The following KIAA1755 variants were observed in gnomAD, a reference collection of about 807,000 sequenced individuals.
KIAA1755 encodes uncharacterized protein KIAA1755.
KIAA1755 carries 68 observed loss-of-function variants against 91.7 expected under a neutral mutation model. The observed-to-expected ratio is 0.74, with a 90% CI of 0.61 to 0.91. The LOEUF (loss-of-function observed/expected upper bound fraction) is 0.91, where lower values mean the gene tolerates loss of function less well. Among genes scored for constraint, KIAA1755 ranks in the 40% least tolerant of loss-of-function variants. The probability of loss-of-function intolerance (pLI) is 0.00; values close to 1 mark genes in which losing one functional copy is unlikely to be tolerated. For synonymous variants in KIAA1755, 610 were observed against 604.6 expected, an observed-to-expected ratio of 1.01 and a Z score of -0.13; for missense variants, 1,535 against 1,494.4, an observed-to-expected ratio of 1.03 and a Z score of -0.45.
chr20:38,253,767 T>C (rs1211546167), intron 1 of KIAA1755, among the ~76,000 whole-genome samples: 1 of 152,242 alleles, frequency 6.6e-6, no homozygotes, highest in Admixed American at 6.5e-5. Context: ...ATAGCTTTTA[T>C]AATTAGGAGG....
At chr20:38,232,006 C>T (rs574115431) in intron 4 of KIAA1755, among the ~76,000 whole-genome samples, 17 of 152,100 alleles carry the variant, frequency 1.1e-4, no homozygotes, top group Non-Finnish European at 2.2e-4. Flanking sequence ...GCTGAGGCTC[C>T]GGGAGCCAGT....
intron 5 of KIAA1755, among the ~76,000 whole-genome samples, chr20:38,229,031 G>A (rs181278531): frequency 6.6e-6 from 1 of 152,246 alleles, no homozygotes; most frequent in Admixed American, 6.5e-5. Context: ...CTAGCCATCT[G>A]GCCAGTGGGT....
At chr20:38,255,078 G>A (rs1024895797) in intron 1 of KIAA1755, among the ~76,000 whole-genome samples, 15 of 151,976 alleles carry the variant, frequency 9.9e-5, no homozygotes, top group African/African-American at 3.6e-4. Context: ...TCAGAAGGCC[G>A]AGGCAGGAGA....
chr20:38,228,847 A>G (rs1261400387), intron 5 of KIAA1755, among the ~76,000 whole-genome samples: 2 of 152,234 alleles, frequency 1.3e-5, no homozygotes, highest in Non-Finnish European at 2.9e-5. Flanking sequence ...AACATTTTAA[A>G]TGGGAATTTC....
chr20:38,238,882 T>C (rs1414375551), intron 4 of KIAA1755, among the ~76,000 whole-genome samples: 5 of 152,168 alleles, frequency 3.3e-5, no homozygotes, highest in African/African-American at 1.2e-4. Flanking sequence ...CCCCAGAGTC[T>C]GAAAGTATCA....
chr20:38,222,583 G>A lies in KIAA1755; in HGVS notation c.2283C>T (p.Cys761=). The change falls in exon 10 of 14, where the codon TGC becomes TGT. Residue 761 remains cysteine (C), a synonymous_variant. Transcript: ENST00000279024. The stretch of plus-strand genomic sequence containing the variant: ...CCATCAGCTCCTTGGACTTGCTCAG[G>A]CACCTGGTAGCCTCCTGCCAGCGTA... ...PPGGMQEATR[C]LSKSKELMEA... is the part of the protein sequence containing the mutation. The A allele has an allele frequency of 6.2e-7, 1 of 1,612,414 alleles. No individual in the cohort carries two copies. The highest frequency in any genetic ancestry group is 8.5e-7 in the Non-Finnish European group (1 of 1,179,978).
chr20:38,248,090 G>A (rs747573857), intron 1 of KIAA1755, among the ~76,000 whole-genome samples: 2 of 152,182 alleles, frequency 1.3e-5, no homozygotes, highest in African/African-American at 4.8e-5. Context: ...GTAGCCCGGT[G>A]TGGTGATGCA....
chr20:38,230,554 T>C (rs973854193), intron 5 of KIAA1755, among the ~76,000 whole-genome samples: 1 of 152,146 alleles, frequency 6.6e-6, no homozygotes, highest in Non-Finnish European at 1.5e-5. Context: ...GCCCCTGCAA[T>C]CTGTTTTAAC....
chr20:38,224,071 CT>C (rs2075711906), intron 8 of KIAA1755, among the ~76,000 whole-genome samples: 1 of 152,188 alleles, frequency 6.6e-6, no homozygotes, highest in Non-Finnish European at 1.5e-5. Flanking sequence ...CACTTACAAG[CT>C]GTGAGACCTT....
intron 1 of KIAA1755, among the ~76,000 whole-genome samples, chr20:38,254,783 C>CAA (rs773273813): frequency 8.1e-5 from 11 of 136,130 alleles, no homozygotes; most frequent in African/African-American, 1.6e-4. Context: ...TCCCCAACTC[C>CAA]AAAAAAAAAA....
intron 8 of KIAA1755, among the ~76,000 whole-genome samples, chr20:38,224,621 G>A (rs1043913064): frequency 6.6e-6 from 1 of 152,194 alleles, no homozygotes; most frequent in Non-Finnish European, 1.5e-5. Context: ...GGTAGAGCCA[G>A]GGCTGGTACC....
In KIAA1755 at chr20:38,260,491, G is replaced by T. The variant is rs554195358; in HGVS notation, c.3+7C>A. On this transcript the variant is annotated splice_region_variant and intron_variant, in intron 1 of 13. Coordinates refer to ENST00000279024, the MANE Select transcript of KIAA1755 (RefSeq NM_001029864.2). ...AGAGCGAGGTGGTCCAGGCCTTGGC[G>T]CGTTACCATGGTGACGGGCTGCCAG... The T allele has an allele frequency of 1.1e-5, 16 of 1,489,614 alleles. No homozygotes were observed. The highest frequency in any genetic ancestry group is 1.4e-5 in the Non-Finnish European group (16 of 1,121,508). 92.3% of individuals were successfully genotyped at this position (1,489,614 alleles called of 1,614,324 possible).
intron 1 of KIAA1755, 168 bp downstream of exon 1, chr20:38,260,330 C>T (rs1261619671): frequency 9.6e-6 from 15 of 1,560,192 alleles, no homozygotes; most frequent in Non-Finnish European, 1.3e-5. Context: ...GGCTCCTGCC[C>T]TTGAACCCCT....
chr20:38,257,900 C>CTT (rs538588264), intron 1 of KIAA1755, among the ~76,000 whole-genome samples: 118 of 142,172 alleles, frequency 8.3e-4, no homozygotes, highest in Middle Eastern at 3.7e-3. Flanking sequence ...TTTATAGTTA[C>CTT]TTTTTTTTTT....
intron 1 of KIAA1755, among the ~76,000 whole-genome samples, chr20:38,253,616 G>GA (rs977209372): frequency 7.9e-5 from 12 of 152,116 alleles, no homozygotes; most frequent in African/African-American, 2.9e-4. Context: ...TGTAAGCCTA[G>GA]AAAAAACTCC....
At chr20:38,231,416 G>A (rs1213415385) in intron 4 of KIAA1755, 91 bp from the exon 5 acceptor site, 8 of 1,374,764 alleles carry the variant, frequency 5.8e-6, no homozygotes, top group East Asian at 5.0e-5. Context: ...TGGCCGTAAC[G>A]GTTCCTTTGC....
At chr20:38,214,651 G>T (rs967089891) in intron 13 of KIAA1755, among the ~76,000 whole-genome samples, 1 of 152,112 alleles carries the variant, frequency 6.6e-6, no homozygotes, top group Admixed American at 6.5e-5. Context: ...GCCAGGCAGG[G>T]GTGTGCCCTC....
intron 6 of KIAA1755, among the ~76,000 whole-genome samples, chr20:38,227,828 G>C (rs1378550965): frequency 6.6e-6 from 1 of 152,226 alleles, no homozygotes; most frequent in African/African-American, 2.4e-5. Flanking sequence ...CAAGGGGCGC[G>C]GGGTGCCAAG....
chr20:38,245,544 G>C (rs560526057), intron 2 of KIAA1755, among the ~76,000 whole-genome samples: 1 of 152,220 alleles, frequency 6.6e-6, no homozygotes, highest in African/African-American at 2.4e-5. Flanking sequence ...TGCCTCAGGG[G>C]CTCCAGGGAA....
Sources: gnomAD v4.1 joint callset for allele counts (sites outside exome capture counted in the v4.1 genomes callset) on GRCh38, gnomAD v4.1.1 for gene constraint, MANE v1.5 for transcripts, NCBI Gene and HGNC (gene_info 2026-07-23, HGNC 2026-07-21) for gene names.